TSC22D1: variants seen among roughly 807,000 people sequenced by gnomAD.
TSC22D1 encodes the protein TSC22 domain family member 1.
Under a neutral mutation model 74.2 loss-of-function variants are expected in TSC22D1, and 9 were observed. The ratio of observed to expected loss-of-function variants is 0.12; its 90% CI spans 0.07 to 0.21. The LOEUF is 0.21. Among genes scored for constraint, TSC22D1 ranks in the 10% least tolerant of loss-of-function variants. The pLI is 1.00. For synonymous variants in TSC22D1, 586 were observed against 492.5 expected (o/e 1.19, Z -2.51); for missense variants, 1,427 against 1,304.7 (o/e 1.09, Z -1.44).
At chr13:44,465,183 C>A (rs1237721016) in intron 1 of TSC22D1, among the ~76,000 whole-genome samples, 3 of 152,038 alleles carry the variant, frequency 2.0e-5, no homozygotes, top group Non-Finnish European at 4.4e-5. Context: ...CAGTATGTAA[C>A]ACAGGACCTT....
intron 1 of TSC22D1, among the ~76,000 whole-genome samples, chr13:44,557,868 T>TC (rs1882785152): frequency 6.6e-6 from 1 of 152,194 alleles, no homozygotes; most frequent in East Asian, 1.9e-4. Flanking sequence ...ACTGGGTGTC[T>TC]CCATATTCAC....
Position 44,467,179 on chromosome 13 carries a change from A to AAC in TSC22D1, c.2913-31085_2913-31084insGT, listed in dbSNP as rs1555265559. 9.3e-5 allele frequency among the ~76,000 whole-genome samples: 12 copies of AAC among 128,592 alleles called. No individual in the cohort carries two copies. The East Asian group carries it at 1.7e-3, about 19-fold the overall frequency. 84.4% of individuals were successfully genotyped at this position (128,592 alleles called of 152,430 possible). A position where few individuals can be genotyped will look rare whatever the true frequency, so the allele number is the denominator to read the frequency against. On this transcript the variant is annotated intron_variant, in intron 1 of 2. Coordinates refer to ENST00000458659, the MANE Select transcript of TSC22D1 (RefSeq NM_183422.4). ...TCCTTCTCAAAATAAACAAAAAAAC[A>AAC]AAAAAAAATAGCTGCTATGAAGAAT... is the stretch of plus-strand genomic sequence containing the variant.
intron 1 of TSC22D1, among the ~76,000 whole-genome samples, chr13:44,465,606 G>A (rs1411044512): frequency 6.6e-6 from 1 of 152,180 alleles, no homozygotes; most frequent in Non-Finnish European, 1.5e-5. Flanking sequence ...CAGAGCATTG[G>A]AGAATAGCTC....
rs989599836 is a variant in TSC22D1, at chr13:44,434,524, C to A, written c.*102G>T. 8.9e-6 allele frequency: 13 copies of A among 1,461,924 alleles called. No homozygotes were observed. Among genetic ancestry groups the A allele is most frequent in the Non-Finnish European group, 1.2e-5 (13 of 1,110,560 alleles). The allele number at this position is 1,461,924 out of a possible 1,614,324, so 90.6% of individuals were successfully genotyped here. ...TGTCAGTCTCACGTCTCTTTCGCAG[C>A]GAGCAATGAAATGGGTGACTGTGGA... On this transcript the variant is annotated 3_prime_UTR_variant, in exon 3 of 3. Coordinates refer to ENST00000458659, the MANE Select transcript of TSC22D1 (RefSeq NM_183422.4).
chr13:44,546,018 TAAAAA>T (rs1055064824), intron 1 of TSC22D1, among the ~76,000 whole-genome samples: 6 of 151,328 alleles, frequency 4.0e-5, no homozygotes, highest in African/African-American at 1.2e-4. Flanking sequence ...TACAAATAGA[TAAAAA>T]AGAAAAGAAA....
chr13:44,515,443 A>C (rs1879934605), intron 1 of TSC22D1, among the ~76,000 whole-genome samples: 1 of 151,694 alleles, frequency 6.6e-6, no homozygotes, highest in Non-Finnish European at 1.5e-5. Flanking sequence ...AGTGAAAAAA[A>C]TCTTTTTTTT....
At chr13:44,458,573 C>T (rs932160784) in intron 1 of TSC22D1, among the ~76,000 whole-genome samples, 1 of 152,038 alleles carries the variant, frequency 6.6e-6, no homozygotes, top group African/African-American at 2.4e-5. Context: ...CAGAAGCCTG[C>T]ACTCCCAGGC....
chr13:44,574,372 T>TGCA lies in TSC22D1; in HGVS notation c.1700_1702dup (p.Leu567dup), dbSNP rs754461590. On this transcript the variant is annotated inframe_insertion, in exon 1 of 3. Transcript: ENST00000458659. ...ACCAGTTGCAGCACTCATAGTGGCT[T>TGCA]GCAGAGGTACTGGCTGAAGACCTTG... 2.6e-5 allele frequency: 42 copies of TGCA among 1,614,110 alleles called. No individual in the cohort carries two copies. The highest frequency in any genetic ancestry group is 1.9e-4 in the South Asian group (17 of 91,092).
In TSC22D1 at chr13:44,434,133, T is replaced by A. The variant is rs1366049163; in HGVS notation, c.*493A>T. 2.7e-6 allele frequency: 4 copies of A among 1,499,384 alleles called. No individual in the cohort carries two copies. The East Asian group carries it at 1.0e-4, about 38-fold the overall frequency. The allele number at this position is 1,499,384 out of a possible 1,614,324, so 92.9% of individuals were successfully genotyped here. A position where few individuals can be genotyped will look rare whatever the true frequency, so the allele number is the denominator to read the frequency against. On this transcript the variant is annotated 3_prime_UTR_variant, in exon 3 of 3. Coordinates refer to ENST00000458659, the MANE Select transcript of TSC22D1 (RefSeq NM_183422.4). The stretch of plus-strand genomic sequence containing the variant: ...ATGAATTTTGGTGACAGTTGTCAAA[T>A]TTGTACAGTGAACTCTGTTCCCCCT...
chr13:44,533,361 C>G (rs1482297712), intron 1 of TSC22D1, among the ~76,000 whole-genome samples: 4 of 151,444 alleles, frequency 2.6e-5, no homozygotes, highest in Non-Finnish European at 5.9e-5. Flanking sequence ...ACTCACGAGG[C>G]TGAGGCGAGA....
chr13:44,529,716 ACACCT>A (rs1880730505), intron 1 of TSC22D1, among the ~76,000 whole-genome samples: 1 of 152,122 alleles, frequency 6.6e-6, no homozygotes. Flanking sequence ...CCTGCAACTA[ACACCT>A]ATAGCAAGGT....
intron 1 of TSC22D1, among the ~76,000 whole-genome samples, chr13:44,532,510 G>T (rs985466960): frequency 6.6e-6 from 1 of 152,122 alleles, no homozygotes; most frequent in Non-Finnish European, 1.5e-5. Context: ...GTCTTGCTCT[G>T]TCGCCCAGGC....
chr13:44,434,455 A>T lies in TSC22D1; in HGVS notation c.*171T>A. 1 of 1,367,138 alleles carries T rather than the reference A, an allele frequency of 7.3e-7. No individual in the cohort carries two copies. The highest frequency in any genetic ancestry group is 3.6e-5 in the Admixed American group (1 of 27,870). 84.7% of individuals were successfully genotyped at this position (1,367,138 alleles called of 1,614,324 possible). ...CCCAACTAAGAAATTTCTCCAAGCC[A>T]TAAGCATATGAGTGTTTAATACTGG... On this transcript the variant is annotated 3_prime_UTR_variant, in exon 3 of 3. Coordinates refer to ENST00000458659, the MANE Select transcript of TSC22D1 (RefSeq NM_183422.4).
chr13:44,441,466 T>TTACCTTAACTTTTAA (rs1875199874), intron 1 of TSC22D1, among the ~76,000 whole-genome samples: 1 of 152,214 alleles, frequency 6.6e-6, no homozygotes, highest in Non-Finnish European at 1.5e-5. Context: ...ATTTACCTTT[T>TTACCTTAACTTTTAA]AAAAGTTAAC....
chr13:44,515,409 G>A (rs1234440955), intron 1 of TSC22D1, among the ~76,000 whole-genome samples: 5 of 151,344 alleles, frequency 3.3e-5, no homozygotes, highest in Non-Finnish European at 5.9e-5. Flanking sequence ...CATATATAGT[G>A]TACAAGTTTT....
chr13:44,484,606 G>C (rs1371845435), intron 1 of TSC22D1, among the ~76,000 whole-genome samples: 4 of 152,150 alleles, frequency 2.6e-5, no homozygotes, highest in Non-Finnish European at 4.4e-5. Flanking sequence ...ATTGTTAAAG[G>C]TACAACTAAT....
chr13:44,439,991 A>G (rs1017673073), intron 1 of TSC22D1, among the ~76,000 whole-genome samples: 1 of 152,210 alleles, frequency 6.6e-6, no homozygotes, highest in Non-Finnish European at 1.5e-5. Context: ...GCGAAGGCAC[A>G]TTACCCTGTA....
At chr13:44,552,611 C>T (rs1016464943) in intron 1 of TSC22D1, among the ~76,000 whole-genome samples, 6 of 152,242 alleles carry the variant, frequency 3.9e-5, no homozygotes, top group African/African-American at 1.4e-4. Context: ...TCTTTAACAT[C>T]TGCCAGATCT....
chr13:44,537,536 C>G (rs1206815336), intron 1 of TSC22D1: 6 of 985,028 alleles, frequency 6.1e-6, no homozygotes, highest in Non-Finnish European at 7.2e-6. Context: ...GTTCAACTAA[C>G]TTAATTTCCA....
Sources: gnomAD v4.1 joint callset for allele counts (sites outside exome capture counted in the v4.1 genomes callset) on GRCh38, gnomAD v4.1.1 for gene constraint, MANE v1.5 for transcripts, NCBI Gene and HGNC (gene_info 2026-07-23, HGNC 2026-07-21) for gene names.